CFAP74: variants seen among roughly 807,000 people sequenced by gnomAD.
The protein encoded by CFAP74 is cilia and flagella associated protein 74, also known as cilia- and flagella-associated protein 74.
CFAP74 carries 124 observed loss-of-function variants against 188.9 expected under a neutral mutation model. The ratio of observed to expected loss-of-function variants is 0.66; its 90% CI spans 0.57 to 0.76. The LOEUF (loss-of-function observed/expected upper bound fraction) is 0.76, where lower values mean the gene tolerates loss of function less well. Ranked by LOEUF, CFAP74 falls within the 30% of genes least tolerant of loss-of-function variation. The probability of loss-of-function intolerance (pLI) is 0.00; values close to 1 mark genes in which losing one functional copy is unlikely to be tolerated. For missense variants in CFAP74, 2,198 were observed against 2,165.2 expected (o/e 1.02, Z -0.30); for synonymous variants, 956 against 916.7 (o/e 1.04, Z -0.77).
Position 1,926,274 on chromosome 1 carries a change from C to A in CFAP74, c.3902G>T (p.Gly1301Val). ...GAAGGAAAGCACCAGGACCTGGGTCCCACCTGCACGCAGCAGGCTGGAGTG... is the reference window on the plus strand; with the variant it reads ...GAAGGAAAGCACCAGGACCTGGGTCACACCTGCACGCAGCAGGCTGGAGTG... Reference protein sequence around the residue: ...LNHSSLLRAGGTQVLVLSFSP... With the variant: ...LNHSSLLRAGVTQVLVLSFSP... The change falls in exon 32 of 39, where the codon GGG becomes GTG. Residue 1301 changes from glycine (G) to valine (V), a missense_variant. By Grantham distance (109) the Gly-to-Val change is moderately radical. Coordinates refer to ENST00000682832, the MANE Select transcript of CFAP74 (RefSeq NM_001304360.2). The A allele has an allele frequency of 6.5e-7, 1 of 1,539,218 alleles. No homozygotes were observed. Among genetic ancestry groups the A allele is most frequent in the Non-Finnish European group, 8.8e-7 (1 of 1,140,402 alleles).
intron 16 of CFAP74, among the ~76,000 whole-genome samples, chr1:1,957,456 C>T (rs1654726605): frequency 6.6e-6 from 1 of 152,218 alleles, no homozygotes; most frequent in Admixed American, 6.5e-5. Flanking sequence ...TTCCCGCCTG[C>T]ACCGCCTGGG....
chr1:1,934,069 T>A (rs1652623561), intron 25 of CFAP74, among the ~76,000 whole-genome samples: 1 of 152,206 alleles, frequency 6.6e-6, no homozygotes, highest in Admixed American at 6.5e-5. Context: ...AGCAGGGGTC[T>A]GAGGCCACCG....
chr1:1,996,307 G>C (rs767202624), intron 1 of CFAP74, among the ~76,000 whole-genome samples: 8 of 152,166 alleles, frequency 5.3e-5, no homozygotes, highest in Non-Finnish European at 1.0e-4. Flanking sequence ...GTTTAAGAGA[G>C]AGACGTCTAA....
intron 22 of CFAP74, 101 bp downstream of exon 22, chr1:1,941,927 C>G: frequency 5.7e-6 from 7 of 1,237,550 alleles, no homozygotes; most frequent in Non-Finnish European, 7.3e-6. Context: ...CTGATGATCC[C>G]GGCAGCAATG....
intron 15 of CFAP74, 56 bp from the exon 16 acceptor site, chr1:1,959,265 G>GTTTT: frequency 1.8e-6 from 2 of 1,090,842 alleles, no homozygotes; most frequent in Non-Finnish European, 2.6e-6. Flanking sequence ...TGTGTGTTTT[G>GTTTT]TTTTTTTTTT....
chr1:1,926,429 G>T, intron 31 of CFAP74, 28 bp downstream of exon 31: 1 of 1,550,262 alleles, frequency 6.5e-7, no homozygotes, highest in Non-Finnish European at 8.7e-7. Context: ...CACCCCGCAG[G>T]CCGCCTGAGC....
intron 18 of CFAP74, chr1:1,955,124 C>A (rs938925687): frequency 8.4e-7 from 1 of 1,189,412 alleles, no homozygotes; most frequent in Non-Finnish European, 1.1e-6. Flanking sequence ...CCGCGCTGAG[C>A]TGCAGGGCGT....
intron 14 of CFAP74, chr1:1,960,245 G>A (rs1167801497): frequency 4.5e-5 from 25 of 561,736 alleles, no homozygotes; most frequent in South Asian, 2.0e-4. Context: ...CAGTGTGTGC[G>A]AACGTTTGTG....
chr1:1,935,572 GT>G (rs144958214), intron 25 of CFAP74, among the ~76,000 whole-genome samples: 31 of 138,066 alleles, frequency 2.2e-4, no homozygotes, highest in Non-Finnish European at 3.2e-4. Flanking sequence ...GTGTACGTGT[GT>G]GTGTTAGGTT....
intron 1 of CFAP74, among the ~76,000 whole-genome samples, chr1:1,994,710 A>C (rs1484781392): frequency 6.6e-6 from 1 of 152,236 alleles, no homozygotes; most frequent in Non-Finnish European, 1.5e-5. Flanking sequence ...AAAAGGTGTC[A>C]TTGCACACAC....
intron 34 of CFAP74, 120 bp from the exon 35 acceptor site, chr1:1,924,049 C>T (rs1473602390): frequency 3.6e-5 from 38 of 1,058,822 alleles, no homozygotes; most frequent in African/African-American, 7.0e-5. Flanking sequence ...CTGTCCTGCC[C>T]GGTCCCCCCA....
rs973257961 is a variant in CFAP74 at position 1,927,724 on chromosome 1, T to G, written c.3410A>C (p.Gln1137Pro). The G allele has an allele frequency of 1.9e-6, 3 of 1,549,990 alleles. No individual in the cohort carries two copies. The highest frequency in any genetic ancestry group is 2.6e-6 in the Non-Finnish European group (3 of 1,146,732). ...TKSFRKNMAP[Q>P]RKDLHGLSFS... is the part of the protein sequence containing the mutation. ...TGACAGTCCATGCAGGTCCTTCCTCTGGGGGGCCATATTCTTTCGGAACTG... is the reference window on the plus strand; with the variant it reads ...TGACAGTCCATGCAGGTCCTTCCTCGGGGGGGCCATATTCTTTCGGAACTG... The change falls in exon 28 of 39, where the codon CAG becomes CCG. Residue 1137 changes from glutamine to proline, a missense_variant. By Grantham distance (76) the Gln-to-Pro change is moderately conservative (BLOSUM62 -1). Transcript: ENST00000682832.
At chr1:1,945,993 T>A in intron 20 of CFAP74, among the ~76,000 whole-genome samples, 1 of 144,516 alleles carries the variant, frequency 6.9e-6, no homozygotes, top group Non-Finnish European at 1.5e-5. Context: ...GCTCTGCATG[T>A]GTGCATGTGT....
In CFAP74 at chr1:1,975,514, CTT is replaced by C. The variant is rs560063960; in HGVS notation, c.501-1318_501-1317del. 2.4e-4 allele frequency among the ~76,000 whole-genome samples: 37 copies of C among 152,228 alleles called. 2 individuals carry two copies. The South Asian group carries it at 7.7e-3, about 32-fold the overall frequency. On this transcript the variant is annotated intron_variant, in intron 6 of 38. Coordinates refer to ENST00000682832, the MANE Select transcript of CFAP74 (RefSeq NM_001304360.2). This position sits in a 1 kb window ranked among gnomAD's most constrained non-coding sequence, Gnocchi z 4.5. ...CTACTTTCCCTCTCTCGTACGCCCA[CTT>C]GGTTTTGGCATCGAGGTTGTGTCAC...
chr1:2,000,477 A>G (rs1313943732), intron 1 of CFAP74, among the ~76,000 whole-genome samples: 1 of 152,106 alleles, frequency 6.6e-6, no homozygotes, highest in Non-Finnish European at 1.5e-5. Flanking sequence ...CTGTTGTGTT[A>G]GCTTCCCGGG....
In CFAP74 at chr1:1,975,226, C is replaced by A. The variant is rs1236457972; in HGVS notation, c.501-1028G>T. Among the ~76,000 whole-genome samples the A allele has an allele frequency of 6.6e-6, 1 of 152,220 alleles. No homozygotes were observed. Among genetic ancestry groups the A allele is most frequent in the Non-Finnish European group, 1.5e-5 (1 of 68,048 alleles). On this transcript the variant is annotated intron_variant, in intron 6 of 38. Coordinates refer to ENST00000682832, the MANE Select transcript of CFAP74 (RefSeq NM_001304360.2). This position sits in a 1 kb window ranked among gnomAD's most constrained non-coding sequence, Gnocchi z 4.5. The stretch of plus-strand genomic sequence containing the variant: ...CACTGCAACACCCGGGGCAGGGGTC[C>A]CACCGCCTTGGCCCTCCGTGAATAA...
At position 1,968,318 on chromosome 1, in the gene CFAP74, C is replaced by G. The variant is rs1211952729; in HGVS notation, c.1245+317G>C. Among the ~76,000 whole-genome samples the G allele has an allele frequency of 1.3e-5, 2 of 152,152 alleles. No individual in the cohort carries two copies. Among genetic ancestry groups the G allele is most frequent in the Non-Finnish European group, 2.9e-5 (2 of 68,014 alleles). On this transcript the variant is annotated intron_variant, in intron 11 of 38. Coordinates refer to ENST00000682832, the MANE Select transcript of CFAP74 (RefSeq NM_001304360.2). The surrounding 1 kb of genome is among the most constrained non-coding windows in gnomAD (Gnocchi z 4.3). ...GCTGACCCAGCTCTACAGGGCCAGG[C>G]AAGGTGGTCCCAGCCTGGTGGGCAG...
chr1:1,960,780 C>T (rs998150895), intron 14 of CFAP74, among the ~76,000 whole-genome samples: 2 of 152,206 alleles, frequency 1.3e-5, no homozygotes, highest in Admixed American at 1.3e-4. Flanking sequence ...CTGCACAGAG[C>T]CCGGGATGGA....
chr1:1,963,727 C>T (rs1236634814), intron 14 of CFAP74, 22 bp downstream of exon 14: 6 of 1,524,096 alleles, frequency 3.9e-6, no homozygotes, highest in Non-Finnish European at 4.5e-6. Context: ...CGCGTCCCTC[C>T]CTGTCTGAGC....
Sources: allele counts gnomAD v4.1 joint callset (sites outside exome capture counted in the v4.1 genomes callset), GRCh38; gene constraint gnomAD v4.1.1; non-coding constraint Gnocchi (gnomAD v3.1); transcripts MANE v1.5; gene names NCBI Gene and HGNC (gene_info 2026-07-23, HGNC 2026-07-21).